The following LRP12 variants were observed in gnomAD, a reference collection of about 807,000 sequenced individuals.
The protein encoded by LRP12 is LDL receptor related protein 12.
Under a neutral mutation model 66.0 loss-of-function variants are expected in LRP12, and 14 were observed. That is an observed-to-expected ratio of 0.21 (90% CI 0.14 to 0.33). The LOEUF is 0.33. Ranked by LOEUF, LRP12 falls within the 10% of genes least tolerant of loss-of-function variation. The pLI is 1.00. For missense variants in LRP12, 889 were observed against 1,053.4 expected (o/e 0.84, Z 2.16); for synonymous variants, 357 against 359.1 (o/e 0.99, Z 0.07).
intron 2 of LRP12, among the ~76,000 whole-genome samples, chr8:104,528,205 C>A (rs1287334620): frequency 6.6e-6 from 1 of 152,190 alleles, no homozygotes; most frequent in African/African-American, 2.4e-5. Context: ...GACAATCCAG[C>A]AGGGCACTGA....
rs974694466 is a variant in LRP12, at chr8:104,497,259, A to G, written c.1293T>C (p.Asp431=). ...SRNGVCYPRS[D]RCNYQNHCPN... ...GGCAATGATTCTGGTAGTTGCAGCG[A>G]TCAGAACGAGGATAACAGACACCAT... is the stretch of plus-strand genomic sequence containing the variant. Residue 431 remains aspartate, a synonymous_variant, in exon 5 of 7, where the codon GAT becomes GAC. Coordinates refer to ENST00000276654, the MANE Select transcript of LRP12 (RefSeq NM_013437.5). This position sits in a 1 kb window ranked among gnomAD's most constrained non-coding sequence, Gnocchi z 4.3. 1.9e-6 allele frequency: 3 copies of G among 1,614,070 alleles called. No homozygotes were observed. In the African/African-American group the frequency reaches 4.0e-5, roughly 22 times the overall value.
At chr8:104,527,700 G>A (rs370792599) in intron 2 of LRP12, among the ~76,000 whole-genome samples, 8 of 152,068 alleles carry the variant, frequency 5.3e-5, no homozygotes, top group African/African-American at 1.7e-4. Flanking sequence ...GGGGAGCGAG[G>A]AGGGATAGCA....
chr8:104,503,705 A>G (rs1810866060), intron 3 of LRP12, among the ~76,000 whole-genome samples: 1 of 152,196 alleles, frequency 6.6e-6, no homozygotes, highest in Non-Finnish European at 1.5e-5. Flanking sequence ...ACTTTCATAC[A>G]ATTTAAAGAC....
At chr8:104,499,608 C>T in intron 3 of LRP12, 89 bp from the exon 4 acceptor site, 1 of 772,926 alleles carries the variant, frequency 1.3e-6, no homozygotes, top group Non-Finnish European at 2.1e-6. Context: ...TATTATAAGC[C>T]TCCATATACT....
At chr8:104,541,136 A>G (rs1367607705) in intron 1 of LRP12, among the ~76,000 whole-genome samples, 1 of 152,224 alleles carries the variant, frequency 6.6e-6, no homozygotes, top group Admixed American at 6.5e-5. Context: ...TCTTGGAAAT[A>G]AGGATATAAT....
At chr8:104,511,187 G>A (rs1810990567) in intron 2 of LRP12, among the ~76,000 whole-genome samples, 3 of 151,590 alleles carry the variant, frequency 2.0e-5, no homozygotes, top group Non-Finnish European at 4.4e-5. Flanking sequence ...AGGACTACAG[G>A]TGCACGCTAC....
chr8:104,571,040 C>T (rs145846036), intron 1 of LRP12, among the ~76,000 whole-genome samples: 16 of 152,150 alleles, frequency 1.1e-4, no homozygotes, highest in Non-Finnish European at 2.1e-4. Flanking sequence ...TCTAGAATGA[C>T]AAAAATAAAA....
chr8:104,548,267 A>ATATATTTATATAT (rs1811645969), intron 1 of LRP12, among the ~76,000 whole-genome samples: 2 of 96,448 alleles, frequency 2.1e-5, no homozygotes, highest in African/African-American at 9.4e-5. Flanking sequence ...TTAATATATG[A>ATATATTTATATAT]TATATATTAT....
chr8:104,549,528 A>G (rs10808392), intron 1 of LRP12, among the ~76,000 whole-genome samples: 22,109 of 148,788 alleles, frequency 0.15, 2,398 homozygotes, highest in African/African-American at 0.32. Context: ...TCAGCCTCCC[A>G]AGTAGCTGGG....
At chr8:104,549,281 C>T (rs985283631) in intron 1 of LRP12, among the ~76,000 whole-genome samples, 1 of 152,064 alleles carries the variant, frequency 6.6e-6, no homozygotes, top group African/African-American at 2.4e-5. Flanking sequence ...CTATCATTTA[C>T]TCCTGAACCC....
At chr8:104,586,773 G>A (rs1473947680) in intron 1 of LRP12, among the ~76,000 whole-genome samples, 1 of 152,046 alleles carries the variant, frequency 6.6e-6, no homozygotes, top group Admixed American at 6.5e-5. Context: ...TCAGTTCCAG[G>A]GTGAAGGGTT....
intron 1 of LRP12, among the ~76,000 whole-genome samples, chr8:104,583,726 C>G (rs1420939779): frequency 6.6e-6 from 1 of 152,116 alleles, no homozygotes; most frequent in Non-Finnish European, 1.5e-5. Context: ...GGTTTGACTT[C>G]AGTTAAGTCA....
chr8:104,575,778 C>T (rs555765877), intron 1 of LRP12, among the ~76,000 whole-genome samples: 2 of 152,114 alleles, frequency 1.3e-5, no homozygotes, highest in Admixed American at 6.5e-5. Context: ...GCTAAGATGA[C>T]TGAATGACAG....
At chr8:104,552,736 G>A (rs1811748032) in intron 1 of LRP12, among the ~76,000 whole-genome samples, 1 of 152,110 alleles carries the variant, frequency 6.6e-6, no homozygotes, top group African/African-American at 2.4e-5. Flanking sequence ...TGGTGCACAG[G>A]AGGCAGGACT....
chr8:104,548,175 TA>T (rs1156283735), intron 1 of LRP12, among the ~76,000 whole-genome samples: 21 of 100,850 alleles, frequency 2.1e-4, no homozygotes, highest in Non-Finnish European at 3.1e-4. Flanking sequence ...ATATATAATA[TA>T]ATATATAATA....
intron 1 of LRP12, among the ~76,000 whole-genome samples, chr8:104,547,574 T>C (rs1811601861): frequency 8.2e-6 from 1 of 122,692 alleles, no homozygotes; most frequent in African/African-American, 3.1e-5. Flanking sequence ...TTAATAATTA[T>C]TATATATTAA....
chr8:104,564,437 T>A (rs1201405703), intron 1 of LRP12, among the ~76,000 whole-genome samples: 1 of 152,082 alleles, frequency 6.6e-6, no homozygotes, highest in Non-Finnish European at 1.5e-5. Context: ...CATTCTAGAA[T>A]CGCGCATTAT....
intron 1 of LRP12, among the ~76,000 whole-genome samples, chr8:104,581,153 G>A (rs1230988967): frequency 1.3e-5 from 2 of 152,106 alleles, no homozygotes; most frequent in African/African-American, 4.8e-5. Context: ...TGGAGGTGGG[G>A]GCCATTATCC....
chr8:104,548,339 A>ATAT (rs1811656373), intron 1 of LRP12, among the ~76,000 whole-genome samples: 1 of 43,118 alleles, frequency 2.3e-5, no homozygotes. Context: ...TATTATATAA[A>ATAT]TATATAAATA....
Sources: allele counts gnomAD v4.1 joint callset (sites outside exome capture counted in the v4.1 genomes callset), GRCh38; gene constraint gnomAD v4.1.1; non-coding constraint Gnocchi (gnomAD v3.1); transcripts MANE v1.5; gene names NCBI Gene and HGNC (gene_info 2026-07-23, HGNC 2026-07-21).